The following PTPRD variants were observed in gnomAD, a reference collection of about 807,000 sequenced individuals.
PTPRD encodes the protein receptor-type tyrosine-protein phosphatase delta.
In PTPRD, 34 loss-of-function variants were observed where a neutral mutation model predicts 214.5. The ratio of observed to expected loss-of-function variants is 0.16; its 90% CI spans 0.12 to 0.21. PTPRD has a LOEUF of 0.21. Ranked by LOEUF, PTPRD falls within the 10% of genes least tolerant of loss-of-function variation. PTPRD has a pLI of 1.00. For synonymous variants in PTPRD, 1,128 were observed against 845.7 expected, an observed-to-expected ratio of 1.33 and a Z score of -5.79; for missense variants, 2,545 against 2,398.7, an observed-to-expected ratio of 1.06 and a Z score of -1.27.
chr9:9,709,460 A>G (rs539730567), intron 7 of PTPRD, among the ~76,000 whole-genome samples: 14 of 152,134 alleles, frequency 9.2e-5, no homozygotes, highest in Admixed American at 3.3e-4. Flanking sequence ...TAAACTATAG[A>G]CCTGAACAAT....
chr9:8,823,750 G>C (rs1297795804), intron 11 of PTPRD, among the ~76,000 whole-genome samples: 1 of 152,168 alleles, frequency 6.6e-6, no homozygotes, highest in East Asian at 1.9e-4. Context: ...AAGGAGTCTT[G>C]ATCCAGACCC....
intron 4 of PTPRD, among the ~76,000 whole-genome samples, chr9:10,018,349 C>A (rs2096767551): frequency 1.3e-5 from 2 of 152,006 alleles, no homozygotes; most frequent in African/African-American, 4.8e-5. Context: ...CAGATACAGG[C>A]AGACTTTCTC....
At chr9:8,707,983 T>C (rs750861642) in intron 12 of PTPRD, among the ~76,000 whole-genome samples, 1 of 152,166 alleles carries the variant, frequency 6.6e-6, no homozygotes, top group Non-Finnish European at 1.5e-5. Context: ...AACTTGCCCA[T>C]GGATAAAAGG....
At chr9:8,550,134 C>T (rs1025372350) in intron 14 of PTPRD, among the ~76,000 whole-genome samples, 4 of 152,000 alleles carry the variant, frequency 2.6e-5, no homozygotes, top group Non-Finnish European at 5.9e-5. Flanking sequence ...AATTTAGGGT[C>T]CAATTTATAT....
At chr9:9,619,563 T>C (rs1023927256) in intron 7 of PTPRD, among the ~76,000 whole-genome samples, 2 of 146,286 alleles carry the variant, frequency 1.4e-5, no homozygotes, top group South Asian at 4.2e-4. Context: ...TATTATCTAA[T>C]ATGTCTAGAT....
rs576687195 is a variant in PTPRD at position 9,540,657 on chromosome 9, T to C, written c.-237+34075A>G. Among the ~76,000 whole-genome samples the C allele has an allele frequency of 4.0e-5, 6 of 151,860 alleles. 1 individual carries two copies. The South Asian group carries it at 1.2e-3, about 31-fold the overall frequency. On this transcript the variant is annotated intron_variant, in intron 8 of 45. Transcript: ENST00000381196. ...TTTTAAAATCCTGTGGTAAAAAATA[T>C]GTTTTATTAGTTTATTAATATTAGG...
chr9:10,173,309 G>A (rs1299796424), intron 3 of PTPRD, among the ~76,000 whole-genome samples: 2 of 152,110 alleles, frequency 1.3e-5, no homozygotes, highest in Non-Finnish European at 2.9e-5. Context: ...AAATAATGGA[G>A]TGTTACAGGA....
intron 12 of PTPRD, among the ~76,000 whole-genome samples, chr9:8,677,604 TC>T (rs796120911): frequency 3.9e-5 from 6 of 152,102 alleles, no homozygotes; most frequent in African/African-American, 1.4e-4. Flanking sequence ...TACACCAAAC[TC>T]CCGTGGCACA....
chr9:10,500,606 A>G lies in PTPRD; in HGVS notation c.-600+111792T>C, dbSNP rs149836318. Among the ~76,000 whole-genome samples the G allele has an allele frequency of 5.9e-3, 902 of 151,984 alleles. 15 individuals carry two copies. The highest frequency in any genetic ancestry group is 7.6e-3 in the Non-Finnish European group (514 of 67,846). On this transcript the variant is annotated intron_variant, in intron 2 of 45. Transcript: ENST00000381196. ...ATGTACGATTAAATTATTATTTACTATAGTCACTCTGTAGTGCTAGCAAAT... is the reference window on the plus strand; with the variant it reads ...ATGTACGATTAAATTATTATTTACTGTAGTCACTCTGTAGTGCTAGCAAAT...
intron 39 of PTPRD, among the ~76,000 whole-genome samples, chr9:8,356,953 T>C (rs1433511978): frequency 6.6e-6 from 1 of 152,206 alleles, no homozygotes; most frequent in East Asian, 1.9e-4. Context: ...AATATATAGA[T>C]GATGAGTGGC....
intron 2 of PTPRD, among the ~76,000 whole-genome samples, chr9:10,530,462 G>C (rs1459334040): frequency 6.6e-6 from 1 of 152,032 alleles, no homozygotes; most frequent in Non-Finnish European, 1.5e-5. Flanking sequence ...TTCAGAACAA[G>C]TGTTCCCTAA....
intron 11 of PTPRD, among the ~76,000 whole-genome samples, chr9:8,844,418 C>A (rs1335502340): frequency 1.3e-5 from 2 of 152,108 alleles, no homozygotes; most frequent in African/African-American, 4.8e-5. Context: ...ATTCCTTTTA[C>A]TAAGCATATT....
Position 9,382,969 on chromosome 9 carries a change from T to C in PTPRD, c.-203+14480A>G, listed in dbSNP as rs1362688992. On this transcript the variant is annotated intron_variant, in intron 9 of 45. Coordinates refer to ENST00000381196, the MANE Select transcript of PTPRD (RefSeq NM_002839.4). ...TATATTTATATAATAGAATATTATG[T>C]TGCCTTATAAAAGAAGAAAATCTTG... 1.3e-5 allele frequency among the ~76,000 whole-genome samples: 2 copies of C among 152,104 alleles called. 1 individual carries two copies. Among genetic ancestry groups the C allele is most frequent in the Non-Finnish European group, 2.9e-5 (2 of 67,982 alleles).
intron 7 of PTPRD, among the ~76,000 whole-genome samples, chr9:9,599,377 G>C (rs556552823): frequency 9.9e-5 from 15 of 152,076 alleles, no homozygotes; most frequent in African/African-American, 3.6e-4. Context: ...TGATACCAAG[G>C]CAACCACTAA....
intron 10 of PTPRD, among the ~76,000 whole-genome samples, chr9:9,163,433 T>C (rs2099894430): frequency 6.6e-6 from 1 of 152,104 alleles, no homozygotes; most frequent in South Asian, 2.1e-4. Context: ...TCACATCTAG[T>C]AAATCATCAA....
intron 5 of PTPRD, among the ~76,000 whole-genome samples, chr9:9,836,704 A>G (rs1038384875): frequency 1.3e-5 from 2 of 152,158 alleles, no homozygotes; most frequent in Non-Finnish European, 2.9e-5. Context: ...TCCTGGTTCC[A>G]CTACTTACTA....
chr9:8,606,475 C>A (rs905004005), intron 14 of PTPRD, among the ~76,000 whole-genome samples: 2 of 152,122 alleles, frequency 1.3e-5, no homozygotes, highest in East Asian at 3.9e-4. Flanking sequence ...TATGTGCAAG[C>A]ATCAAGAATC....
chr9:9,319,358 T>C (rs1392895902), intron 9 of PTPRD, among the ~76,000 whole-genome samples: 7 of 152,218 alleles, frequency 4.6e-5, no homozygotes, highest in Non-Finnish European at 8.8e-5. Flanking sequence ...ACTGCTATTT[T>C]AACACTGCCA....
At position 8,343,819 on chromosome 9, in the gene PTPRD, G is replaced by C. The variant is rs115230396; in HGVS notation, c.4662-1841C>G. On this transcript the variant is annotated intron_variant, in intron 39 of 45. Coordinates refer to ENST00000381196, the MANE Select transcript of PTPRD (RefSeq NM_002839.4). ...GTTTGTGAAATAAGTAAACAAATTA[G>C]TGACTGGCTTGAGATGCCTGCAGTA... is the stretch of plus-strand genomic sequence containing the variant. 6.3e-3 allele frequency among the ~76,000 whole-genome samples: 956 copies of C among 152,152 alleles called. 6 individuals are homozygous for C. The highest frequency in any genetic ancestry group is 0.022 in the African/African-American group (902 of 41,534).
Sources: allele counts gnomAD v4.1 joint callset (sites outside exome capture counted in the v4.1 genomes callset), GRCh38; gene constraint gnomAD v4.1.1; transcripts MANE v1.5; gene names NCBI Gene and HGNC (gene_info 2026-07-23, HGNC 2026-07-21).